Variants in MRPS27 observed in about 807,000 individuals in gnomAD.
The protein encoded by MRPS27 is mitochondrial ribosomal protein S27, also known as small ribosomal subunit protein mS27.
MRPS27 carries 43 observed loss-of-function variants against 48.9 expected under a neutral mutation model. The ratio of observed to expected loss-of-function variants is 0.88; its 90% CI spans 0.69 to 1.13. The LOEUF is 1.13. Among genes scored for constraint, MRPS27 ranks in the 50% most tolerant of loss-of-function variants. The probability of loss-of-function intolerance (pLI) is 0.00; values close to 1 mark genes in which losing one functional copy is unlikely to be tolerated. For synonymous variants in MRPS27, 188 were observed against 171.9 expected, an observed-to-expected ratio of 1.09 and a Z score of -0.73; for missense variants, 467 against 476.3, an observed-to-expected ratio of 0.98 and a Z score of 0.18.
At chr5:72,235,128 G>C (rs186600886) in intron 5 of MRPS27, among the ~76,000 whole-genome samples, 1 of 152,080 alleles carries the variant, frequency 6.6e-6, no homozygotes, top group African/African-American at 2.4e-5. Flanking sequence ...CAGGTGTGCC[G>C]AAATGGAAAA....
At chr5:72,222,135 C>A (rs1024023377) in intron 10 of MRPS27, among the ~76,000 whole-genome samples, 1 of 152,146 alleles carries the variant, frequency 6.6e-6, no homozygotes, top group South Asian at 2.1e-4. Context: ...ATAAAAATGG[C>A]TCCCAAACAA....
intron 4 of MRPS27, among the ~76,000 whole-genome samples, chr5:72,294,332 C>A (rs533948411): frequency 2.9e-4 from 44 of 151,944 alleles, no homozygotes; most frequent in South Asian, 8.3e-4. Context: ...ACAACAACAA[C>A]AAAAAATAAA....
intron 4 of MRPS27, among the ~76,000 whole-genome samples, chr5:72,239,590 G>A (rs984402297): frequency 2.0e-5 from 3 of 152,140 alleles, no homozygotes; most frequent in African/African-American, 7.2e-5. Context: ...AGGGGACCTA[G>A]ATACTCAATC....
intron 4 of MRPS27, among the ~76,000 whole-genome samples, chr5:72,253,491 A>C (rs1156945991): frequency 4.6e-5 from 7 of 152,258 alleles, no homozygotes; most frequent in Non-Finnish European, 1.0e-4. Context: ...AATTTCTTGC[A>C]TAAGACACTT....
intron 5 of MRPS27, among the ~76,000 whole-genome samples, chr5:72,236,307 C>T (rs1393105234): frequency 6.6e-6 from 1 of 152,102 alleles, no homozygotes; most frequent in Non-Finnish European, 1.5e-5. Context: ...TTGGAAATCA[C>T]TGATTTACTA....
intron 2 of MRPS27, among the ~76,000 whole-genome samples, chr5:72,300,741 C>G (rs1216369220): frequency 6.6e-6 from 1 of 152,198 alleles, no homozygotes; most frequent in Admixed American, 6.5e-5. Flanking sequence ...ACCAGTATCT[C>G]TCATCTCCTG....
intron 4 of MRPS27, among the ~76,000 whole-genome samples, chr5:72,242,887 C>T (rs113038847): frequency 4.2e-3 from 636 of 152,326 alleles, no homozygotes; most frequent in Non-Finnish European, 7.1e-3. Flanking sequence ...AGGCCCAATG[C>T]ACAGATGCCA....
chr5:72,295,323 A>T (rs554659463), intron 4 of MRPS27: 3 of 469,484 alleles, frequency 6.4e-6, no homozygotes, highest in African/African-American at 4.0e-5. Flanking sequence ...AGAGGTCCAT[A>T]AAAAGGGAAC....
At chr5:72,271,317 C>G (rs943296789) in intron 4 of MRPS27, among the ~76,000 whole-genome samples, 1 of 152,134 alleles carries the variant, frequency 6.6e-6, no homozygotes, top group South Asian at 2.1e-4. Context: ...CAAAAATCAA[C>G]TCTCTAGCAG....
intron 2 of MRPS27, among the ~76,000 whole-genome samples, chr5:72,304,685 T>G (rs899422878): frequency 1.3e-5 from 2 of 152,218 alleles, no homozygotes; most frequent in African/African-American, 2.4e-5. Flanking sequence ...GTAGTACAGA[T>G]GTGTTGAAAA....
intron 4 of MRPS27, among the ~76,000 whole-genome samples, chr5:72,249,953 C>T (rs922992014): frequency 4.6e-5 from 7 of 152,114 alleles, no homozygotes; most frequent in African/African-American, 1.7e-4. Context: ...CACTGCACTC[C>T]AGCCTGGGCG....
intron 4 of MRPS27, among the ~76,000 whole-genome samples, chr5:72,283,340 A>C (rs923733131): frequency 2.6e-5 from 4 of 152,170 alleles, no homozygotes; most frequent in Non-Finnish European, 5.9e-5. Flanking sequence ...AGGAGGTTTC[A>C]AAATGTTCAT....
chr5:72,308,233 G>A (rs776096759), intron 2 of MRPS27, among the ~76,000 whole-genome samples: 4 of 152,218 alleles, frequency 2.6e-5, no homozygotes, highest in Admixed American at 2.0e-4. Flanking sequence ...AGGGGGCACC[G>A]GAACCGCAAG....
intron 2 of MRPS27, among the ~76,000 whole-genome samples, chr5:72,313,591 A>G (rs1198402128): frequency 2.0e-5 from 3 of 152,248 alleles, no homozygotes; most frequent in African/African-American, 7.2e-5. Context: ...AAGTATAATT[A>G]TAAGCCCAAA....
At chr5:72,281,270 T>A (rs753115973) in intron 4 of MRPS27, among the ~76,000 whole-genome samples, 4 of 152,178 alleles carry the variant, frequency 2.6e-5, no homozygotes, top group Non-Finnish European at 5.9e-5. Flanking sequence ...ATTATAACGT[T>A]ATCAATTTCT....
chr5:72,314,033 TAC>T, intron 2 of MRPS27, 46 bp downstream of exon 2: 2 of 1,372,176 alleles, frequency 1.5e-6, no homozygotes, highest in Non-Finnish European at 2.1e-6. Flanking sequence ...ATGGAAGACA[TAC>T]AGAGTGACCG....
At chr5:72,260,971 C>G (rs1748950493) in intron 4 of MRPS27, among the ~76,000 whole-genome samples, 1 of 152,084 alleles carries the variant, frequency 6.6e-6, no homozygotes, top group Non-Finnish European at 1.5e-5. Flanking sequence ...TCAAGTGATT[C>G]TCATGCCTCA....
intron 4 of MRPS27, among the ~76,000 whole-genome samples, chr5:72,240,942 C>T (rs1748332040): frequency 6.6e-6 from 1 of 152,204 alleles, no homozygotes; most frequent in South Asian, 2.1e-4. Flanking sequence ...AAGTCTACTC[C>T]CTCTCCTATC....
At chr5:72,295,249 A>T (rs1374734823) in intron 4 of MRPS27, 1 of 235,822 alleles carries the variant, frequency 4.2e-6, no homozygotes, top group African/African-American at 2.2e-5. Flanking sequence ...ATTAGGTGAA[A>T]AATTACATAC....
Sources: gnomAD v4.1 joint callset for allele counts (sites outside exome capture counted in the v4.1 genomes callset) on GRCh38, gnomAD v4.1.1 for gene constraint, MANE v1.5 for transcripts, NCBI Gene and HGNC (gene_info 2026-07-23, HGNC 2026-07-21) for gene names.